Variants in SPATA31F1 observed in about 807,000 individuals in gnomAD.
SPATA31F1 encodes protein SPATA31F1.
At chr9:34,729,141 G>C in the SPATA31F1 span, 6 of 1,026,038 alleles carry the variant, frequency 5.8e-6, no homozygotes, top group South Asian at 7.8e-5. Context: ...AGGAATTATA[G>C]TCTCTGAGAA....
the SPATA31F1 span, chr9:34,726,593 C>T: frequency 6.4e-7 from 1 of 1,551,794 alleles, no homozygotes; most frequent in East Asian, 2.4e-5. Flanking sequence ...GGTGTTTGGG[C>T]CCCGGAGCAC....
At chr9:34,729,027 C>T in the SPATA31F1 span, among the ~76,000 whole-genome samples, 274 of 152,274 alleles carry the variant, frequency 1.8e-3, no homozygotes, top group African/African-American at 6.0e-3. Context: ...AGAGAGCTTC[C>T]GAGATCCAGC....
At chr9:34,728,118 A>G in the SPATA31F1 span, 3 of 1,540,450 alleles carry the variant, frequency 1.9e-6, no homozygotes, top group Non-Finnish European at 2.6e-6. Context: ...ATGGCATGGG[A>G]TAATTTCATA....
chr9:34,725,128 A>C, the SPATA31F1 span: 1 of 1,549,318 alleles, frequency 6.5e-7, no homozygotes. Context: ...GGACCCCAGA[A>C]ATTCTGCAGT....
chr9:34,729,397 C>T, the SPATA31F1 span: 1 of 1,550,966 alleles, frequency 6.4e-7, no homozygotes, highest in Admixed American at 2.0e-5. Flanking sequence ...GGATATCCAA[C>T]TTCCCACAGA....
chr9:34,723,418 C>T, the SPATA31F1 span: 392 of 1,551,732 alleles, frequency 2.5e-4, 2 homozygotes, highest in African/African-American at 4.5e-3. Context: ...GAGATTGGGC[C>T]TTGGAGCACC....
At chr9:34,728,815 C>T in the SPATA31F1 span, among the ~76,000 whole-genome samples, 1 of 152,100 alleles carries the variant, frequency 6.6e-6, no homozygotes, top group Non-Finnish European at 1.5e-5. Flanking sequence ...ACCTTTTTAC[C>T]CCATTTTCCT....
the SPATA31F1 span, chr9:34,725,129 A>G: frequency 6.5e-7 from 1 of 1,548,990 alleles, no homozygotes; most frequent in Non-Finnish European, 8.7e-7. Context: ...GACCCCAGAA[A>G]TTCTGCAGTC....
chr9:34,727,102 C>T, the SPATA31F1 span: 1 of 1,445,576 alleles, frequency 6.9e-7, no homozygotes, highest in African/African-American at 1.4e-5. Context: ...GGGGCCTATA[C>T]CATCTTGTTG....
At chr9:34,724,219 C>G in the SPATA31F1 span, 5 of 1,551,330 alleles carry the variant, frequency 3.2e-6, no homozygotes, top group South Asian at 3.6e-5. Context: ...GAACACAAGG[C>G]ATGTGGGCCT....
the SPATA31F1 span, chr9:34,729,205 G>A: frequency 6.9e-7 from 1 of 1,451,246 alleles, no homozygotes; most frequent in Non-Finnish European, 9.1e-7. Flanking sequence ...TCTGGGGTGG[G>A]GATTATAAGG....
chr9:34,728,197 G>A, the SPATA31F1 span: 1 of 882,762 alleles, frequency 1.1e-6, no homozygotes, highest in Non-Finnish European at 1.7e-6. Context: ...ATCCTGAAAA[G>A]TCCGTACTCT....
the SPATA31F1 span, chr9:34,727,094 G>C: frequency 8.3e-6 from 12 of 1,450,042 alleles, no homozygotes; most frequent in Non-Finnish European, 1.1e-5. Context: ...AAAACCCTGG[G>C]GCCTATACCA....
the SPATA31F1 span, chr9:34,727,084 A>G: frequency 1.4e-6 from 2 of 1,467,926 alleles, no homozygotes; most frequent in South Asian, 2.8e-5. Flanking sequence ...CCCAGTCCTG[A>G]AAACCCTGGG....
the SPATA31F1 span, chr9:34,727,926 G>T: frequency 8.7e-7 from 1 of 1,150,956 alleles, no homozygotes; most frequent in Non-Finnish European, 1.2e-6. Context: ...CTCCCTCCCA[G>T]CCATTATCTT....
At chr9:34,723,119 A>G in the SPATA31F1 span, 71 of 1,296,788 alleles carry the variant, frequency 5.5e-5, no homozygotes, top group East Asian at 7.6e-5. Context: ...GGAAATGACA[A>G]TACTGGTCCT....
the SPATA31F1 span, chr9:34,728,090 A>G: frequency 6.4e-7 from 1 of 1,551,630 alleles, no homozygotes. Flanking sequence ...TAGCTGAGGA[A>G]CGGGGAGACA....
At chr9:34,723,391 C>A in the SPATA31F1 span, 491 of 1,551,596 alleles carry the variant, frequency 3.2e-4, 1 homozygote, top group Non-Finnish European at 4.2e-4. Flanking sequence ...CTGGGCCCAC[C>A]AGCTTCTGAG....
the SPATA31F1 span, chr9:34,723,480 G>A: frequency 3.9e-6 from 6 of 1,551,822 alleles, no homozygotes; most frequent in Non-Finnish European, 5.2e-6. Context: ...GCTGGAGCCA[G>A]GCTCTTTGCA....
Sources: gnomAD v4.1 joint callset for allele counts (sites outside exome capture counted in the v4.1 genomes callset) on GRCh38, gnomAD v4.1.1 for gene constraint, MANE v1.5 for transcripts, NCBI Gene and HGNC (gene_info 2026-07-23, HGNC 2026-07-21) for gene names.